The following GRID2 variants were observed in gnomAD, a reference collection of about 807,000 sequenced individuals.
GRID2 encodes the protein glutamate receptor ionotropic, delta-2.
GRID2 carries 33 observed loss-of-function variants against 114.8 expected under a neutral mutation model. That is an observed-to-expected ratio of 0.29 (90% confidence interval 0.22 to 0.38). The LOEUF (loss-of-function observed/expected upper bound fraction) is 0.38, where lower values mean the gene tolerates loss of function less well. GRID2 is among the 10% of genes least tolerant of loss of function. The probability of loss-of-function intolerance (pLI) is 1.00; values close to 1 mark genes in which losing one functional copy is unlikely to be tolerated. For missense variants in GRID2, 1,184 were observed against 1,257.7 expected, an observed-to-expected ratio of 0.94 and a Z score of 0.89; for synonymous variants, 505 against 449.9, an observed-to-expected ratio of 1.12 and a Z score of -1.55.
chr4:93,002,409 A>G (rs2149218445), intron 2 of GRID2, among the ~76,000 whole-genome samples: 1 of 151,706 alleles, frequency 6.6e-6, no homozygotes, highest in South Asian at 2.1e-4. Flanking sequence ...ACCGTAGCCA[A>G]AAAAAACATA....
intron 13 of GRID2, among the ~76,000 whole-genome samples, chr4:93,530,500 C>T (rs1198111713): frequency 6.6e-6 from 1 of 152,164 alleles, no homozygotes; most frequent in Non-Finnish European, 1.5e-5. Flanking sequence ...TTCTTTCCCT[C>T]CATCAGGAAT....
chr4:92,564,969 G>A (rs1727268032), intron 1 of GRID2, among the ~76,000 whole-genome samples: 1 of 151,884 alleles, frequency 6.6e-6, no homozygotes, highest in Non-Finnish European at 1.5e-5. Flanking sequence ...CCCCTATCAA[G>A]TGATCACCAT....
intron 9 of GRID2, among the ~76,000 whole-genome samples, chr4:93,421,814 G>A (rs1055099767): frequency 2.0e-5 from 3 of 150,252 alleles, no homozygotes; most frequent in Non-Finnish European, 3.0e-5. Context: ...CATTATGAAG[G>A]CTATTTTGTG....
chr4:92,906,709 C>T (rs1256830817), intron 2 of GRID2, among the ~76,000 whole-genome samples: 3 of 152,076 alleles, frequency 2.0e-5, no homozygotes, highest in Non-Finnish European at 4.4e-5. Flanking sequence ...ACCTCCACCT[C>T]CTGGGTTCAA....
chr4:92,786,980 G>T (rs1448571989), intron 2 of GRID2, among the ~76,000 whole-genome samples: 2 of 151,960 alleles, frequency 1.3e-5, no homozygotes, highest in Non-Finnish European at 2.9e-5. Flanking sequence ...AATACCTACA[G>T]AAGAGTTGGT....
At chr4:92,886,149 C>G (rs1746353100) in intron 2 of GRID2, among the ~76,000 whole-genome samples, 1 of 151,882 alleles carries the variant, frequency 6.6e-6, no homozygotes, top group African/African-American at 2.4e-5. Flanking sequence ...TTTCCTGAGG[C>G]AAAACAATAT....
chr4:93,409,491 G>T (rs1367837154), intron 9 of GRID2, among the ~76,000 whole-genome samples: 2 of 152,250 alleles, frequency 1.3e-5, no homozygotes, highest in Non-Finnish European at 2.9e-5. Flanking sequence ...ATATGCTGAT[G>T]AAAGTTGAAG....
At chr4:93,042,708 T>G (rs1406247182) in intron 2 of GRID2, among the ~76,000 whole-genome samples, 2 of 145,490 alleles carry the variant, frequency 1.4e-5, no homozygotes, top group Non-Finnish European at 3.0e-5. Context: ...TATATGCATA[T>G]ATATATAGAT....
At chr4:93,195,660 C>T (rs62309154) in intron 4 of GRID2, among the ~76,000 whole-genome samples, 11,391 of 152,078 alleles carry the variant, frequency 0.075, 448 homozygotes, top group East Asian at 0.17. Flanking sequence ...TGACTATATA[C>T]AGAAAAAGAA....
intron 1 of GRID2, among the ~76,000 whole-genome samples, chr4:92,441,546 T>C (rs2149067662): frequency 6.6e-6 from 1 of 152,268 alleles, no homozygotes; most frequent in East Asian, 1.9e-4. Context: ...AACAATTTTG[T>C]TGATAAGGCG....
intron 13 of GRID2, among the ~76,000 whole-genome samples, chr4:93,582,438 G>A (rs1737074159): frequency 6.6e-6 from 1 of 152,108 alleles, no homozygotes; most frequent in Admixed American, 6.6e-5. Context: ...ACAGATTTTA[G>A]GGATTGGAAG....
intron 14 of GRID2, among the ~76,000 whole-genome samples, chr4:93,729,066 A>C (rs1386074530): frequency 1.3e-5 from 2 of 152,178 alleles, no homozygotes; most frequent in Admixed American, 1.3e-4. Flanking sequence ...TAGTTGATGC[A>C]GTTTCTTCCA....
intron 2 of GRID2, among the ~76,000 whole-genome samples, chr4:92,752,078 T>G (rs1560572251): frequency 6.6e-6 from 1 of 152,210 alleles, no homozygotes; most frequent in Non-Finnish European, 1.5e-5. Flanking sequence ...AAACACATGT[T>G]GGCTGTAAAC....
At chr4:93,495,226 G>A (rs1196025604) in intron 12 of GRID2, among the ~76,000 whole-genome samples, 2 of 151,708 alleles carry the variant, frequency 1.3e-5, no homozygotes, top group South Asian at 4.1e-4. Context: ...ACTAATATGG[G>A]ATAGCATTGC....
intron 8 of GRID2, among the ~76,000 whole-genome samples, chr4:93,247,949 T>C (rs1748391531): frequency 6.6e-6 from 1 of 152,018 alleles, no homozygotes; most frequent in African/African-American, 2.4e-5. Flanking sequence ...GTAGTCCACA[T>C]GCTTAGGATT....
intron 8 of GRID2, among the ~76,000 whole-genome samples, chr4:93,335,425 T>C (rs1344070036): frequency 2.6e-5 from 4 of 152,174 alleles, no homozygotes; most frequent in African/African-American, 9.7e-5. Context: ...GACTGGATTA[T>C]CTTTGTACTA....
chr4:93,099,722 A>T (rs1731539317), intron 3 of GRID2, among the ~76,000 whole-genome samples: 1 of 151,876 alleles, frequency 6.6e-6, no homozygotes, highest in Non-Finnish European at 1.5e-5. Flanking sequence ...TAGTGATCTA[A>T]ACTACTTAAG....
At chr4:93,384,666 G>T (rs1032087725) in intron 8 of GRID2, among the ~76,000 whole-genome samples, 1 of 152,074 alleles carries the variant, frequency 6.6e-6, no homozygotes, top group Admixed American at 6.6e-5. Context: ...AATTTTAAGT[G>T]GTGGGAGAAT....
At chr4:92,309,616 A>G (rs972216564) in intron 1 of GRID2, among the ~76,000 whole-genome samples, 1 of 151,906 alleles carries the variant, frequency 6.6e-6, no homozygotes, top group Non-Finnish European at 1.5e-5. Flanking sequence ...CTGTAAGAAA[A>G]TAGGTAGTTT....
Sources: gnomAD v4.1 joint callset for allele counts (sites outside exome capture counted in the v4.1 genomes callset) on GRCh38, gnomAD v4.1.1 for gene constraint, MANE v1.5 for transcripts, NCBI Gene and HGNC (gene_info 2026-07-23, HGNC 2026-07-21) for gene names.